Variants in TFAP4 observed in about 807,000 individuals in gnomAD.
The protein encoded by TFAP4 is activating enhancer-binding protein 4.
TFAP4 carries 7 observed loss-of-function variants against 40.4 expected under a neutral mutation model. The ratio of observed to expected loss-of-function variants is 0.17; its 90% CI spans 0.10 to 0.33. The LOEUF is 0.33. Ranked by LOEUF, TFAP4 falls within the 10% of genes least tolerant of loss-of-function variation. The probability of loss-of-function intolerance (pLI) is 1.00; values close to 1 mark genes in which losing one functional copy is unlikely to be tolerated. For synonymous variants in TFAP4, 218 were observed against 181.4 expected, an observed-to-expected ratio of 1.20 and a Z score of -1.62; for missense variants, 374 against 451.1, an observed-to-expected ratio of 0.83 and a Z score of 1.55.
chr16:4,264,836 G>A (rs1032209213), intron 1 of TFAP4: 8 of 152,526 alleles, frequency 5.2e-5, no homozygotes, highest in African/African-American at 1.9e-4. Context: ...GGGGCTCTTT[G>A]GAGGTAAGAG....
At chr16:4,259,430 C>A (rs540093506) in intron 6 of TFAP4, among the ~76,000 whole-genome samples, 1 of 152,188 alleles carries the variant, frequency 6.6e-6, no homozygotes, top group South Asian at 2.1e-4. Flanking sequence ...CCACCACACC[C>A]GGCCATATGT....
chr16:4,272,507 C>T, intron 1 of TFAP4, 151 bp downstream of exon 1: 2 of 515,522 alleles, frequency 3.9e-6, no homozygotes, highest in Non-Finnish European at 3.1e-6. Context: ...CGGCGCGGAC[C>T]CGGCGTGTGG....
intron 1 of TFAP4, chr16:4,263,519 C>G (rs920393079): frequency 2.0e-5 from 3 of 152,316 alleles, no homozygotes; most frequent in African/African-American, 7.2e-5. Context: ...CCTACCCTCA[C>G]GGCCACGCCT....
At chr16:4,270,049 C>G (rs2053029198) in intron 1 of TFAP4, among the ~76,000 whole-genome samples, 1 of 151,556 alleles carries the variant, frequency 6.6e-6, no homozygotes, top group Non-Finnish European at 1.5e-5. Flanking sequence ...GCCAGGCATG[C>G]TGACACATGC....
chr16:4,269,884 C>T lies in TFAP4; in HGVS notation c.89+2774G>A, dbSNP rs181264449. On this transcript the variant is annotated intron_variant, in intron 1 of 6. Coordinates refer to ENST00000204517, the MANE Select transcript of TFAP4 (RefSeq NM_003223.3). Reference sequence around the variant, plus strand: ...TACCATATACCTGCCCATATACCTGCTTTTAAGACTCAGTGGCTGGGCGCA... The same window carrying T: ...TACCATATACCTGCCCATATACCTGTTTTTAAGACTCAGTGGCTGGGCGCA... 2.3e-3 allele frequency among the ~76,000 whole-genome samples: 344 copies of T among 152,210 alleles called. 3 individuals are homozygous for T. The highest frequency in any genetic ancestry group is 7.8e-3 in the African/African-American group (326 of 41,536).
chr16:4,267,489 C>A (rs183648464), intron 1 of TFAP4, among the ~76,000 whole-genome samples: 1 of 152,392 alleles, frequency 6.6e-6, no homozygotes, highest in East Asian at 1.9e-4. Flanking sequence ...ACACCTACCA[C>A]CACAGCACCC....
chr16:4,269,906 C>T (rs1597316072), intron 1 of TFAP4, among the ~76,000 whole-genome samples: 1 of 152,174 alleles, frequency 6.6e-6, no homozygotes, highest in Non-Finnish European at 1.5e-5. Context: ...AGTGGCTGGG[C>T]GCAGTTGCTC....
At chr16:4,267,522 C>T (rs964697588) in intron 1 of TFAP4, among the ~76,000 whole-genome samples, 1 of 152,266 alleles carries the variant, frequency 6.6e-6, no homozygotes, top group African/African-American at 2.4e-5. Flanking sequence ...GAGACTGACG[C>T]TGGCGTCCCA....
chr16:4,271,839 C>T (rs2053042976), intron 1 of TFAP4, among the ~76,000 whole-genome samples: 2 of 152,318 alleles, frequency 1.3e-5, no homozygotes, highest in African/African-American at 4.8e-5. Flanking sequence ...CCCGCGGGGG[C>T]CGAGCTTTGT....
intron 1 of TFAP4, among the ~76,000 whole-genome samples, chr16:4,269,932 G>C (rs1306033432): frequency 6.6e-6 from 1 of 152,142 alleles, no homozygotes; most frequent in Non-Finnish European, 1.5e-5. Flanking sequence ...TGTAATCCTA[G>C]TACTTTGGGA....
At chr16:4,261,656 C>A (rs1179165589) in intron 4 of TFAP4, 123 bp downstream of exon 4, 4 of 1,180,984 alleles carry the variant, frequency 3.4e-6, no homozygotes, top group Non-Finnish European at 4.6e-6. Context: ...ACTCCTAGGC[C>A]TGGCACCGCA....
chr16:4,262,446 G>T lies in TFAP4; in HGVS notation c.256-24C>A, dbSNP rs370969208. The T allele has an allele frequency of 2.5e-6, 4 of 1,613,808 alleles. No individual in the cohort carries two copies. The African/African-American group carries it at 5.3e-5, about 22-fold the overall frequency. On this transcript the variant is annotated intron_variant, in intron 2 of 6. Transcript: ENST00000204517. ...GCCTGAGGGCGTGGAAAAGCCGAGA[G>T]TCAGGCTGGCAGTGTTTACCAGAGC... is the stretch of plus-strand genomic sequence containing the variant.
chr16:4,260,901 G>A (rs2052942647), intron 4 of TFAP4, among the ~76,000 whole-genome samples: 1 of 152,250 alleles, frequency 6.6e-6, no homozygotes, highest in Non-Finnish European at 1.5e-5. Context: ...AGATGCCGTG[G>A]GGCGTCCCTT....
Position 4,261,912 on chromosome 16 carries a change from T to C in TFAP4, c.392A>G (p.Glu131Gly). The change falls in exon 4 of 7, where the codon GAG (glutamate) becomes GGG (glycine). Residue 131 changes from glutamate (E) to glycine (G), a missense_variant. Coordinates refer to ENST00000204517, the MANE Select transcript of TFAP4 (RefSeq NM_003223.3). Reference protein sequence around the residue: ...SGSSPKRRRAEDKDEGIGSPD... With the variant: ...SGSSPKRRRAGDKDEGIGSPD... The stretch of plus-strand genomic sequence containing the variant: ...GGAGCCTATGCCTTCGTCCTTGTCC[T>C]CTGCCCGCCGTCGCTTGGGGGACGA... The C allele has an allele frequency of 6.2e-7, 1 of 1,612,116 alleles. No individual in the cohort carries two copies. Among genetic ancestry groups the C allele is most frequent in the Non-Finnish European group, 8.5e-7 (1 of 1,179,384 alleles).
At position 4,258,009 on chromosome 16, in the gene TFAP4, C is replaced by T. The variant is rs758746576; in HGVS notation, c.*46G>A. 18 of 1,569,430 alleles carry T rather than the reference C, an allele frequency of 1.1e-5. No homozygotes were observed. In the African/African-American group the frequency reaches 1.5e-4, roughly 13 times the overall value. On this transcript the variant is annotated 3_prime_UTR_variant, in exon 7 of 7. Transcript: ENST00000204517. The stretch of plus-strand genomic sequence containing the variant: ...CCCATGTCTCTCCCTGTGGCTGCCC[C>T]GGCTCCCTCCAGCCCCCAGAAGGGA...
chr16:4,263,386 A>T (rs1237230270), intron 1 of TFAP4: 1 of 152,230 alleles, frequency 6.6e-6, no homozygotes, highest in Non-Finnish European at 1.5e-5. Flanking sequence ...GATGCAGACG[A>T]CATTCAGGGA....
intron 1 of TFAP4, among the ~76,000 whole-genome samples, chr16:4,269,315 A>C (rs2141097298): frequency 6.6e-6 from 1 of 151,476 alleles, no homozygotes; most frequent in Non-Finnish European, 1.5e-5. Flanking sequence ...AACACAGTGA[A>C]AGCCTGTCTC....
intron 3 of TFAP4, 99 bp from the exon 4 acceptor site, chr16:4,262,048 G>A (rs2052954762): frequency 7.6e-7 from 1 of 1,313,304 alleles, no homozygotes. Context: ...CAACACAGGT[G>A]AATCTTCATT....
intron 1 of TFAP4, 82 bp from the exon 2 acceptor site, chr16:4,262,783 C>A: frequency 6.7e-7 from 1 of 1,484,372 alleles, no homozygotes; most frequent in Admixed American, 1.9e-5. Flanking sequence ...GAAACTGCAT[C>A]CCTCCCCTGC....
Sources: allele counts gnomAD v4.1 joint callset (sites outside exome capture counted in the v4.1 genomes callset), GRCh38; gene constraint gnomAD v4.1.1; transcripts MANE v1.5; gene names NCBI Gene and HGNC (gene_info 2026-07-23, HGNC 2026-07-21).